Variants in PTPRO observed in about 807,000 individuals in gnomAD.
PTPRO encodes protein tyrosine phosphatase receptor type O, also known as receptor-type tyrosine-protein phosphatase O.
In PTPRO, 62 loss-of-function variants were observed where a neutral mutation model predicts 145.2. The observed-to-expected ratio is 0.43, with a 90% CI of 0.35 to 0.53. The LOEUF (loss-of-function observed/expected upper bound fraction) is 0.53. Ranked by LOEUF, PTPRO falls within the 20% of genes least tolerant of loss-of-function variation. The pLI, the probability that PTPRO is intolerant of heterozygous loss-of-function variation, is 0.01. For missense variants in PTPRO, 1,345 were observed against 1,482.7 expected (o/e 0.91, Z 1.53); for synonymous variants, 565 against 514.7 (o/e 1.10, Z -1.32).
chr12:15,364,149 G>A (rs1392549228), intron 1 of PTPRO, among the ~76,000 whole-genome samples: 1 of 152,162 alleles, frequency 6.6e-6, no homozygotes, highest in Non-Finnish European at 1.5e-5. Context: ...GGAATATGAT[G>A]TATAAAATAT....
intron 1 of PTPRO, among the ~76,000 whole-genome samples, chr12:15,375,760 CA>C (rs529757376): frequency 0.02 from 1,713 of 84,612 alleles, 16 homozygotes; most frequent in African/African-American, 0.058. Flanking sequence ...TGTCCCCCAC[CA>C]AAAAAAAAAA....
Position 15,447,752 on chromosome 12 carries a change from T to C in PTPRO, c.76-36222T>C, listed in dbSNP as rs1230265277. On this transcript the variant is annotated intron_variant, in intron 1 of 26. Transcript: ENST00000281171. ...ATCGATGTGAGTGGGTTGCATCTTA[T>C]AGTCTTTGAACAAAAAGGACAATTA... is the stretch of plus-strand genomic sequence containing the variant. Among the ~76,000 whole-genome samples, 3 of 34,910 alleles carry C rather than the reference T, an allele frequency of 8.6e-5. No homozygotes were observed. In the Non-Finnish European group the frequency reaches 1.1e-3, roughly 13 times the overall value. 22.9% of individuals were successfully genotyped at this position (34,910 alleles called of 152,430 possible).
chr12:15,515,729 G>T, intron 8 of PTPRO, 111 bp downstream of exon 8: 1 of 1,401,572 alleles, frequency 7.1e-7, no homozygotes, highest in Non-Finnish European at 1.0e-6. Flanking sequence ...GTCCATATTA[G>T]TTCATCCAAT....
intron 1 of PTPRO, among the ~76,000 whole-genome samples, chr12:15,417,520 A>G (rs1415337521): frequency 6.6e-6 from 1 of 151,728 alleles, no homozygotes; most frequent in Non-Finnish European, 1.5e-5. Context: ...CTCCTCGACC[A>G]TCAGCATTGA....
At chr12:15,337,084 G>A (rs1866789178) in intron 1 of PTPRO, among the ~76,000 whole-genome samples, 1 of 152,176 alleles carries the variant, frequency 6.6e-6, no homozygotes, top group African/African-American at 2.4e-5. Context: ...TAAGGCATGA[G>A]CTTGGACAGT....
intron 1 of PTPRO, among the ~76,000 whole-genome samples, chr12:15,325,387 C>T (rs558476591): frequency 1.1e-4 from 17 of 152,190 alleles, no homozygotes; most frequent in Non-Finnish European, 2.2e-4. Flanking sequence ...GCCATCGTTC[C>T]TTATCCATGG....
chr12:15,480,298 A>C (rs253843), intron 1 of PTPRO, among the ~76,000 whole-genome samples: 3,008 of 152,230 alleles, frequency 0.02, 113 homozygotes, highest in East Asian at 0.14. Flanking sequence ...TTTCTTGGAT[A>C]TTTGTATATT....
chr12:15,381,442 A>G (rs942435066), intron 1 of PTPRO, among the ~76,000 whole-genome samples: 1 of 152,192 alleles, frequency 6.6e-6, no homozygotes, highest in Non-Finnish European at 1.5e-5. Context: ...TGATAAAGCC[A>G]TGAATGCTGA....
Position 15,383,948 on chromosome 12 carries a change from T to G in PTPRO, c.75+61147T>G, listed in dbSNP as rs779283503. On this transcript the variant is annotated intron_variant, in intron 1 of 26. Coordinates refer to ENST00000281171, the MANE Select transcript of PTPRO (RefSeq NM_030667.3). ...TATTTTGGGGTAAAATACTTTGATT[T>G]CCTTCAGAGTCTGCTGTCATGTGAT... Among the ~76,000 whole-genome samples, 5 of 152,314 alleles carry G rather than the reference T, an allele frequency of 3.3e-5. No homozygotes were observed. The South Asian group carries it at 1.0e-3, about 32-fold the overall frequency.
intron 1 of PTPRO, among the ~76,000 whole-genome samples, chr12:15,344,546 T>A (rs995950229): frequency 1.3e-5 from 2 of 152,220 alleles, no homozygotes; most frequent in African/African-American, 4.8e-5. Context: ...ATTATTGATA[T>A]TGCTCCACAT....
chr12:15,463,220 G>A (rs747535283), intron 1 of PTPRO, among the ~76,000 whole-genome samples: 6 of 151,958 alleles, frequency 3.9e-5, no homozygotes, highest in Non-Finnish European at 8.8e-5. Context: ...ATTACTCAAA[G>A]GTTCAGCTTT....
intron 8 of PTPRO, among the ~76,000 whole-genome samples, chr12:15,516,286 C>T (rs1431188215): frequency 6.9e-6 from 1 of 144,488 alleles, no homozygotes; most frequent in African/African-American, 2.5e-5. Flanking sequence ...CACACCCAGC[C>T]AAGCCCAGAA....
At chr12:15,541,908 A>G (rs1943188375) in intron 12 of PTPRO, among the ~76,000 whole-genome samples, 1 of 152,046 alleles carries the variant, frequency 6.6e-6, no homozygotes, top group Admixed American at 6.6e-5. Context: ...GATACTCAGG[A>G]GGCTGAGTGG....
At chr12:15,584,537 C>T (rs575036872) in intron 23 of PTPRO, among the ~76,000 whole-genome samples, 1 of 152,262 alleles carries the variant, frequency 6.6e-6, no homozygotes, top group South Asian at 2.1e-4. Flanking sequence ...CTTTCAATGA[C>T]AATCATGTGA....
In PTPRO at chr12:15,505,422, T is replaced by G. The variant is rs115348097; in HGVS notation, c.1267+1353T>G. ...TTTATGGAACCACTTATATCTTTCA[T>G]GCACTCTGCTCTATTCTTAGAGTAT... On this transcript the variant is annotated intron_variant, in intron 6 of 26. Coordinates refer to ENST00000281171, the MANE Select transcript of PTPRO (RefSeq NM_030667.3). 4.1e-3 allele frequency among the ~76,000 whole-genome samples: 620 copies of G among 152,378 alleles called. 5 individuals carry two copies. Among genetic ancestry groups the G allele is most frequent in the African/African-American group, 0.014 (587 of 41,594 alleles).
intron 1 of PTPRO, among the ~76,000 whole-genome samples, chr12:15,406,231 G>C (rs549323855): frequency 1.6e-3 from 241 of 152,254 alleles, no homozygotes; most frequent in African/African-American, 5.5e-3. Context: ...TCTATCTTCT[G>C]CTGGCCACTT....
At position 15,513,104 on chromosome 12, in the gene PTPRO, AAAGAAAGG is replaced by A. The variant is rs1327271048; in HGVS notation, c.1465-2390_1465-2383del. On this transcript the variant is annotated intron_variant, in intron 7 of 26. Coordinates refer to ENST00000281171, the MANE Select transcript of PTPRO (RefSeq NM_030667.3). ...AGAAAGAAAGAAAGAAGAAAGAAAG[AAAGAAAGG>A]AAGGAAGGAAGGAAGGAAGGAAGGA... Among the ~76,000 whole-genome samples, 105 of 15,662 alleles carry A rather than the reference AAAGAAAGG, an allele frequency of 6.7e-3. 7 individuals carry two copies. Among genetic ancestry groups the A allele is most frequent in the East Asian group, 0.025 (40 of 1,576 alleles). 10.3% of individuals were successfully genotyped at this position (15,662 alleles called of 152,430 possible).
intron 1 of PTPRO, among the ~76,000 whole-genome samples, chr12:15,371,424 G>A (rs972227010): frequency 2.6e-5 from 4 of 151,904 alleles, no homozygotes; most frequent in East Asian, 3.9e-4. Context: ...GTAGCAACGG[G>A]GTTTCACTAT....
chr12:15,572,686 T>G (rs1350421884), intron 19 of PTPRO, among the ~76,000 whole-genome samples: 1 of 152,176 alleles, frequency 6.6e-6, no homozygotes, highest in Admixed American at 6.6e-5. Context: ...TGTACAGAAG[T>G]TGTGTATTTA....
Sources: allele counts gnomAD v4.1 joint callset (sites outside exome capture counted in the v4.1 genomes callset), GRCh38; gene constraint gnomAD v4.1.1; transcripts MANE v1.5; gene names NCBI Gene and HGNC (gene_info 2026-07-23, HGNC 2026-07-21).